The following HDX variants were observed in gnomAD, a reference collection of about 807,000 sequenced individuals.
HDX encodes highly divergent homeobox.
Under a neutral mutation model 45.2 loss-of-function variants are expected in HDX, and 19 were observed. The ratio of observed to expected loss-of-function variants is 0.42; its 90% confidence interval spans 0.29 to 0.62. The LOEUF is 0.62. Among genes scored for constraint, HDX ranks in the 20% least tolerant of loss-of-function variants. The pLI, the probability that HDX is intolerant of heterozygous loss-of-function variation, is 0.20. For missense variants in HDX, 532 were observed against 493.9 expected (o/e 1.08, Z -0.73); for synonymous variants, 188 against 172.8 (o/e 1.09, Z -0.69).
chrX:84,356,035 A>G (rs1395543042), intron 6 of HDX, among the ~76,000 whole-genome samples: 1 of 110,906 alleles, frequency 9.0e-6, no homozygotes, highest in East Asian at 2.8e-4. Flanking sequence ...GACAAGGTCA[A>G]AGAAAAAGTA....
rs2039260326 is a variant in HDX at position 84,421,835 on chromosome X, AATG to A, written c.1305+18694_1305+18696del. On this transcript the variant is annotated intron_variant, in intron 5 of 10. Coordinates refer to ENST00000373177, the MANE Select transcript of HDX (RefSeq NM_001177479.2). ...AAAGAGACAAAGAAGGTCACTATATAATGATAATTCAGCAAGAGGATATAAGAA... is the reference window on the plus strand; with the variant it reads ...AAAGAGACAAAGAAGGTCACTATATAATAATTCAGCAAGAGGATATAAGAA... 3.6e-5 allele frequency among the ~76,000 whole-genome samples: 4 copies of A among 111,415 alleles called. No homozygotes were observed. In the South Asian group the frequency reaches 1.5e-3, roughly 42 times the overall value.
At chrX:84,403,036 C>G (rs1323056980) in intron 5 of HDX, among the ~76,000 whole-genome samples, 1 of 111,078 alleles carries the variant, frequency 9.0e-6, no homozygotes, top group Non-Finnish European at 1.9e-5. Flanking sequence ...TGTATTTACT[C>G]TAAAATTTAT....
intron 4 of HDX, among the ~76,000 whole-genome samples, chrX:84,459,603 T>A (rs2040193574): frequency 9.3e-6 from 1 of 107,699 alleles, no homozygotes. Context: ...GTAGAGAAAA[T>A]TTAGATAGAC....
chrX:84,397,221 C>T (rs2038587679), intron 5 of HDX, among the ~76,000 whole-genome samples: 1 of 111,863 alleles, frequency 8.9e-6, no homozygotes, highest in Admixed American at 9.5e-5. Context: ...TGCTGATAGC[C>T]GTCAGCCAGT....
chrX:84,492,863 T>A (rs2040918519), intron 1 of HDX, among the ~76,000 whole-genome samples: 1 of 111,255 alleles, frequency 9.0e-6, no homozygotes, highest in East Asian at 2.8e-4. Flanking sequence ...CACATATGCA[T>A]GGAAGCCACT....
rs1569271566 is a variant in HDX at position 84,321,833 on chromosome X, A to C, written c.*56T>G. 1 of 1,032,585 alleles carries C rather than the reference A, an allele frequency of 9.7e-7. No individual in the cohort carries two copies. The allele number at this position is 1,032,585 out of a possible 1,213,427, so 85.1% of individuals were successfully genotyped here. A position where few individuals can be genotyped will look rare whatever the true frequency, so the allele number is the denominator to read the frequency against. Reference sequence around the variant, plus strand: ...GGGCAACAGAATGCAGTTATCTTGAAATGCACACCTGTTACGAAGCCAAAA... The same window carrying C: ...GGGCAACAGAATGCAGTTATCTTGACATGCACACCTGTTACGAAGCCAAAA... On this transcript the variant is annotated 3_prime_UTR_variant, in exon 11 of 11. Coordinates refer to ENST00000373177, the MANE Select transcript of HDX (RefSeq NM_001177479.2).
chrX:84,387,067 T>A, intron 5 of HDX, among the ~76,000 whole-genome samples: 1 of 111,774 alleles, frequency 8.9e-6, no homozygotes, highest in South Asian at 3.7e-4. Context: ...AAGGATTTTT[T>A]AAATTTTTGA....
intron 5 of HDX, among the ~76,000 whole-genome samples, chrX:84,435,928 G>T (rs1294033206): frequency 1.1e-5 from 1 of 87,004 alleles, no homozygotes; most frequent in African/African-American, 4.4e-5. Flanking sequence ...CCATTACTGG[G>T]TATATACCCA....
chrX:84,345,239 A>C (rs1000537918), intron 6 of HDX, among the ~76,000 whole-genome samples: 20 of 111,597 alleles, frequency 1.8e-4, no homozygotes, highest in African/African-American at 5.5e-4. Context: ...AAATATCAAA[A>C]ACAGGAAATT....
intron 5 of HDX, among the ~76,000 whole-genome samples, chrX:84,422,061 A>C (rs752626996): frequency 4.5e-5 from 5 of 111,210 alleles, no homozygotes; most frequent in African/African-American, 1.6e-4. Flanking sequence ...AAATGGATGA[A>C]TATTTCATCC....
chrX:84,325,005 T>C (rs1052367424), intron 10 of HDX, among the ~76,000 whole-genome samples: 4 of 111,201 alleles, frequency 3.6e-5, no homozygotes, highest in African/African-American at 1.3e-4. Flanking sequence ...AATAAACCAA[T>C]ATGCTTAAAT....
rs1188711686 is a variant in HDX at position 84,320,109 on chromosome X, C to A, written c.*1780G>T. 1 of 110,985 alleles carries A rather than the reference C, an allele frequency of 9.0e-6. No individual in the cohort carries two copies. Among genetic ancestry groups the A allele is most frequent in the Admixed American group, 9.6e-5 (1 of 10,414 alleles). The allele number at this position is 110,985 out of a possible 1,213,427, so 9.1% of individuals were successfully genotyped here. ...CTACTTAATAAGTGGTTTCTAACTT[C>A]GTTGTATATGGGGGCGACTCTTCAT... On this transcript the variant is annotated 3_prime_UTR_variant, in exon 11 of 11. Coordinates refer to ENST00000373177, the MANE Select transcript of HDX (RefSeq NM_001177479.2).
intron 5 of HDX, among the ~76,000 whole-genome samples, chrX:84,387,665 A>G (rs1353749539): frequency 9.0e-6 from 1 of 111,059 alleles, no homozygotes; most frequent in Non-Finnish European, 1.9e-5. Context: ...TTCTGTTTTC[A>G]TGGCATATCT....
intron 8 of HDX, among the ~76,000 whole-genome samples, chrX:84,334,672 CA>C (rs60988215): frequency 0.023 from 1,211 of 51,589 alleles, 9 homozygotes; most frequent in South Asian, 0.051. Flanking sequence ...AAAAAAAAAG[CA>C]AAAAAAAAAA....
chrX:84,496,655 C>G (rs1247295256), intron 1 of HDX, among the ~76,000 whole-genome samples: 1 of 111,420 alleles, frequency 9.0e-6, no homozygotes, highest in Non-Finnish European at 1.9e-5. Flanking sequence ...CATCTTTTAA[C>G]CATTTATTAG....
intron 5 of HDX, among the ~76,000 whole-genome samples, chrX:84,370,559 C>T (rs2037868785): frequency 8.9e-6 from 1 of 112,126 alleles, no homozygotes; most frequent in African/African-American, 3.2e-5. Context: ...GCATCCAAAT[C>T]CCTGACCCAC....
At chrX:84,452,680 G>A (rs2040027763) in intron 4 of HDX, among the ~76,000 whole-genome samples, 1 of 111,410 alleles carries the variant, frequency 9.0e-6, no homozygotes, top group Admixed American at 9.5e-5. Context: ...AATCCACAAC[G>A]GGAATAAGGC....
At chrX:84,426,887 T>C (rs926205978) in intron 5 of HDX, among the ~76,000 whole-genome samples, 7 of 110,710 alleles carry the variant, frequency 6.3e-5, no homozygotes, top group Non-Finnish European at 9.5e-5. Context: ...TGTATATCTA[T>C]ATCAAAACAT....
In HDX at chrX:84,468,937, G is replaced by T; in HGVS notation, c.786C>A (p.Ile262=). ...DPYCRTQNLE[I]REVFSLAVSD... ...TAACTGCCAATGAAAACACTTCACG[G>T]ATTTCCAAGTTTTGTGTTCTACAGT... The change falls in exon 4 of 11, where the codon ATC becomes ATA. Residue 262 remains isoleucine, a synonymous_variant. Transcript: ENST00000373177. 3 of 1,211,569 alleles carry T rather than the reference G, an allele frequency of 2.5e-6. No individual in the cohort carries two copies. The highest frequency in any genetic ancestry group is 3.4e-6 in the Non-Finnish European group (3 of 895,428).
Sources: allele counts gnomAD v4.1 joint callset (sites outside exome capture counted in the v4.1 genomes callset), GRCh38; gene constraint gnomAD v4.1.1; transcripts MANE v1.5; gene names NCBI Gene and HGNC (gene_info 2026-07-23, HGNC 2026-07-21).